ZNF688: variants seen among roughly 807,000 people sequenced by gnomAD.
ZNF688 encodes the protein zinc finger protein 688.
Under a neutral mutation model 13.2 loss-of-function variants are expected in ZNF688, and 10 were observed. The ratio of observed to expected loss-of-function variants is 0.76; its 90% CI spans 0.47 to 1.28. The LOEUF (loss-of-function observed/expected upper bound fraction) is 1.28. Among genes scored for constraint, ZNF688 ranks in the 50% most tolerant of loss-of-function variants. The pLI is 0.00. For synonymous variants in ZNF688, 160 were observed against 159.4 expected, an observed-to-expected ratio of 1.00 and a Z score of -0.03; for missense variants, 381 against 391.4, an observed-to-expected ratio of 0.97 and a Z score of 0.22.
chr16:30,570,987 G>A, intron 2 of ZNF688, 23 bp downstream of exon 2: 1 of 1,613,194 alleles, frequency 6.2e-7, no homozygotes, highest in Non-Finnish European at 8.5e-7. Context: ...AACCAAGTGG[G>A]GGGACCCGGG....
rs140765311 is a variant in ZNF688, at chr16:30,571,504, A to G, written c.126T>C (p.Cys42=). Residue 42 remains cysteine, a synonymous_variant, in exon 1 of 3, where the codon TGT becomes TGC. Coordinates refer to ENST00000223459, the MANE Select transcript of ZNF688 (RefSeq NM_145271.4). The part of the protein sequence containing the change: ...AVYFSPEEWG[C]LRPAQRALYR... ...ACAGAGCCCTCTGCGCGGGCCGCAG[A>G]CAGCCCCACTCCTCCGGGGAGAAGT... The G allele has an allele frequency of 3.4e-4, 543 of 1,590,330 alleles. No homozygotes were observed. Among genetic ancestry groups the G allele is most frequent in the Non-Finnish European group, 4.5e-4 (525 of 1,169,476 alleles).
At position 30,570,936 on chromosome 16, in the gene ZNF688, G is replaced by A. The variant is rs1442212784; in HGVS notation, c.310+74C>T. On this transcript the variant is annotated intron_variant, in intron 2 of 2. Transcript: ENST00000223459. ...AATTTCTTTAGGGATGCTGGAAGTG[G>A]GGGCCTGAAAAGAAACTCTGCTAGA... The A allele has an allele frequency of 3.4e-6, 5 of 1,458,964 alleles. No individual in the cohort carries two copies. In the Admixed American group the frequency reaches 5.2e-5, roughly 15 times the overall value. 90.4% of individuals were successfully genotyped at this position (1,458,964 alleles called of 1,614,324 possible).
At chr16:30,579,350 A>ATGTGG in the ZNF688 span, 2 of 160,054 alleles carry the variant, frequency 1.2e-5, no homozygotes, top group African/African-American at 4.8e-5. Context: ...AGGAGAGGCT[A>ATGTGG]TGTGGTGAAG....
At chr16:30,579,644 TGCTGGGATCACAGGTGTGA>T in the ZNF688 span, 1 of 381,758 alleles carries the variant, frequency 2.6e-6, no homozygotes, top group Admixed American at 3.1e-5. Context: ...CCTCCCACAG[TGCTGGGATCACAGGTGTGA>T]GCCACCGTGC....
upstream of ZNF688, among the ~76,000 whole-genome samples, chr16:30,576,503 C>T (rs1316851361): frequency 6.6e-6 from 1 of 152,222 alleles, no homozygotes; most frequent in East Asian, 1.9e-4. Flanking sequence ...AGCCACCGCG[C>T]CCAGCCACCC....
Position 30,570,909 on chromosome 16 carries a change from T to G in ZNF688, c.310+101A>C, listed in dbSNP as rs915245599. The G allele has an allele frequency of 4.7e-6, 6 of 1,267,770 alleles. 1 individual carries two copies. The Middle Eastern group carries it at 9.1e-4, about 193-fold the overall frequency. 78.5% of individuals were successfully genotyped at this position (1,267,770 alleles called of 1,614,324 possible). A position where few individuals can be genotyped will look rare whatever the true frequency, so the allele number is the denominator to read the frequency against. ...TTACTCCTCTAGTACCCAACACAGT[T>G]GAATTTCTTTAGGGATGCTGGAAGT... On this transcript the variant is annotated intron_variant, in intron 2 of 2. Coordinates refer to ENST00000223459, the MANE Select transcript of ZNF688 (RefSeq NM_145271.4).
chr16:30,572,577 C>T (rs2051703557), upstream of ZNF688: 1 of 308,636 alleles, frequency 3.2e-6, no homozygotes, highest in African/African-American at 2.1e-5. Flanking sequence ...TGCTAACATA[C>T]ATGAATTTAT....
upstream of ZNF688, chr16:30,572,196 G>A: frequency 1.2e-6 from 2 of 1,606,646 alleles, no homozygotes; most frequent in Non-Finnish European, 1.7e-6. Context: ...GATTGGCCTG[G>A]GACTGGCGGG....
At chr16:30,573,681 T>C (rs2051719203), upstream of ZNF688, 1 of 164,550 alleles carries the variant, frequency 6.1e-6, no homozygotes, top group Non-Finnish European at 1.3e-5. Flanking sequence ...TATTGCTGAC[T>C]TTTCAGTCAA....
chr16:30,571,892 C>T, upstream of ZNF688: 2 of 1,279,084 alleles, frequency 1.6e-6, no homozygotes, highest in South Asian at 5.9e-5. Flanking sequence ...AAGGTGCCTT[C>T]TGAAAATATG....
At chr16:30,572,280 G>T, upstream of ZNF688, 1 of 1,514,784 alleles carries the variant, frequency 6.6e-7, no homozygotes, top group Non-Finnish European at 8.9e-7. Flanking sequence ...CGGCATCTGC[G>T]GTGCTCGGGA....
At chr16:30,573,122 G>A (rs972558252), upstream of ZNF688, among the ~76,000 whole-genome samples, 1 of 151,890 alleles carries the variant, frequency 6.6e-6, no homozygotes, top group Non-Finnish European at 1.5e-5. Flanking sequence ...AGTCAGGCTG[G>A]TCTCGAACTC....
upstream of ZNF688, among the ~76,000 whole-genome samples, chr16:30,576,177 A>G (rs2051744767): frequency 6.6e-6 from 1 of 152,050 alleles, no homozygotes; most frequent in South Asian, 2.1e-4. Flanking sequence ...CCTCCTGAGT[A>G]GCTGGGATTA....
upstream of ZNF688, chr16:30,572,544 GT>G: frequency 2.6e-6 from 1 of 379,274 alleles, no homozygotes; most frequent in East Asian, 3.9e-5. Context: ...GAATGGGGAA[GT>G]TTTAAATTAA....
At chr16:30,578,651 G>T in the ZNF688 span, 1 of 151,586 alleles carries the variant, frequency 6.6e-6, no homozygotes. Context: ...AGCCTCCCGA[G>T]TAGCTGTGAT....
chr16:30,573,587 G>C (rs1299845668), upstream of ZNF688, among the ~76,000 whole-genome samples: 2 of 152,214 alleles, frequency 1.3e-5, no homozygotes, highest in Non-Finnish European at 2.9e-5. Context: ...GGTCCCTGCT[G>C]TCATTCTGGC....
At chr16:30,572,188 T>C (rs374125467), upstream of ZNF688, 23 of 1,607,414 alleles carry the variant, frequency 1.4e-5, no homozygotes, top group African/African-American at 1.7e-4. Context: ...TGCGCGGTGA[T>C]TGGCCTGGGA....
At chr16:30,578,792 A>G in the ZNF688 span, 3 of 151,888 alleles carry the variant, frequency 2.0e-5, no homozygotes, top group African/African-American at 7.3e-5. Flanking sequence ...TGGCCTACCA[A>G]AGTGCTGGGA....
At position 30,571,699 on chromosome 16, in the gene ZNF688, C is replaced by G. The variant is rs990432611; in HGVS notation, c.-70G>C. 92 of 1,358,172 alleles carry G rather than the reference C, an allele frequency of 6.8e-5. No individual in the cohort carries two copies. Among genetic ancestry groups the G allele is most frequent in the Non-Finnish European group, 8.2e-5 (87 of 1,061,288 alleles). 84.1% of individuals were successfully genotyped at this position (1,358,172 alleles called of 1,614,324 possible). On this transcript the variant is annotated 5_prime_UTR_variant, in exon 1 of 3. Transcript: ENST00000223459. ...GCCGCCTCCCCGCTCCCGGCCTCAG[C>G]TGTCGTTGTCCACAGGAAGGGCGGC...
Sources: gnomAD v4.1 joint callset for allele counts (sites outside exome capture counted in the v4.1 genomes callset) on GRCh38, gnomAD v4.1.1 for gene constraint, MANE v1.5 for transcripts, NCBI Gene and HGNC (gene_info 2026-07-23, HGNC 2026-07-21) for gene names.